EPB41L2: variants seen among roughly 807,000 people sequenced by gnomAD.
EPB41L2 encodes the protein band 4.1-like protein 2.
In EPB41L2, 43 loss-of-function variants were observed where a neutral mutation model predicts 113.0. That is an observed-to-expected ratio of 0.38 (90% confidence interval 0.30 to 0.49). The LOEUF is 0.49. EPB41L2 is among the 20% of genes least tolerant of loss of function. The pLI is 0.95. For missense variants in EPB41L2, 1,147 were observed against 1,223.4 expected (o/e 0.94, Z 0.93); for synonymous variants, 442 against 436.7 (o/e 1.01, Z -0.15).
intron 4 of EPB41L2, among the ~76,000 whole-genome samples, chr6:130,909,190 C>A (rs1161875509): frequency 6.6e-6 from 1 of 152,188 alleles, no homozygotes; most frequent in Non-Finnish European, 1.5e-5. Flanking sequence ...CAACAAATAG[C>A]CCCTGCAGAC....
chr6:130,895,356 A>G (rs990396092), intron 8 of EPB41L2, among the ~76,000 whole-genome samples: 8 of 152,222 alleles, frequency 5.3e-5, no homozygotes, highest in African/African-American at 1.7e-4. Context: ...CATGACCATA[A>G]GACACAGTGT....
Position 130,876,877 on chromosome 6 carries a change from A to G in EPB41L2, c.2043+1227T>C, listed in dbSNP as rs1787739388. On this transcript the variant is annotated intron_variant, in intron 14 of 19. Transcript: ENST00000337057. ...CTGACCCAGTGTGGGTCAATGACACACACCAGGAGAAGTGGCACATAATGG... is the reference window on the plus strand; with the variant it reads ...CTGACCCAGTGTGGGTCAATGACACGCACCAGGAGAAGTGGCACATAATGG... 8.0e-6 allele frequency: 4 copies of G among 500,038 alleles called. No homozygotes were observed. In the South Asian group the frequency reaches 1.1e-4, roughly 13 times the overall value. 31.0% of individuals were successfully genotyped at this position (500,038 alleles called of 1,614,324 possible).
chr6:131,051,468 A>AAC (rs1351562357), intron 1 of EPB41L2, among the ~76,000 whole-genome samples: 21 of 137,068 alleles, frequency 1.5e-4, no homozygotes, highest in African/African-American at 5.7e-4. Context: ...AAAAAAAAAC[A>AAC]CACACACACA....
intron 3 of EPB41L2, among the ~76,000 whole-genome samples, chr6:130,948,657 C>T (rs1040220599): frequency 6.6e-6 from 1 of 151,960 alleles, no homozygotes; most frequent in Non-Finnish European, 1.5e-5. Context: ...AAAAAGTCAT[C>T]TCAAAGACAT....
chr6:130,861,223 C>A (rs1781914676), intron 18 of EPB41L2, among the ~76,000 whole-genome samples: 1 of 152,150 alleles, frequency 6.6e-6, no homozygotes, highest in African/African-American at 2.4e-5. Flanking sequence ...CAGGTGCCCG[C>A]CACTACACCC....
chr6:131,051,410 G>A (rs1412973222), intron 1 of EPB41L2, among the ~76,000 whole-genome samples: 1 of 123,802 alleles, frequency 8.1e-6, no homozygotes, highest in Non-Finnish European at 1.7e-5. Flanking sequence ...AAAATGAAGT[G>A]AGAAAAGTTT....
chr6:130,903,791 T>C (rs532379193), intron 6 of EPB41L2, among the ~76,000 whole-genome samples: 22 of 152,328 alleles, frequency 1.4e-4, no homozygotes, highest in Admixed American at 1.1e-3. Context: ...ATTCACAATG[T>C]TTCTGGTACC....
At chr6:130,952,101 A>G (rs542354068) in intron 3 of EPB41L2, among the ~76,000 whole-genome samples, 1 of 152,338 alleles carries the variant, frequency 6.6e-6, no homozygotes, top group East Asian at 1.9e-4. Flanking sequence ...CTGAGAAGGT[A>G]TTTCACATAC....
At position 130,878,173 on chromosome 6, in the gene EPB41L2, G is replaced by T; in HGVS notation, c.1974C>A (p.Ser658=). The T allele has an allele frequency of 2.5e-6, 4 of 1,613,524 alleles. No individual in the cohort carries two copies. The highest frequency in any genetic ancestry group is 3.4e-6 in the Non-Finnish European group (4 of 1,179,838). The change falls in exon 14 of 20, where the codon TCC becomes TCA. Residue 658 remains serine (S), a synonymous_variant. Transcript: ENST00000337057. ...ATTCATTAGGGCGCGGCTCAGGTGTGGATTCCATAAAATTGCGCTTGAGTT... is the reference window on the plus strand; with the variant it reads ...ATTCATTAGGGCGCGGCTCAGGTGTTGATTCCATAAAATTGCGCTTGAGTT... ...ISELKRNFME[S]TPEPRPNEWE...
At chr6:130,846,690 C>T (rs150682082) in intron 19 of EPB41L2, among the ~76,000 whole-genome samples, 2 of 152,278 alleles carry the variant, frequency 1.3e-5, no homozygotes, top group African/African-American at 2.4e-5. Flanking sequence ...GGCCCAAGTC[C>T]CATCTTCAGG....
At chr6:130,972,353 A>G (rs1727083861) in intron 1 of EPB41L2, among the ~76,000 whole-genome samples, 1 of 149,216 alleles carries the variant, frequency 6.7e-6, no homozygotes, top group Non-Finnish European at 1.5e-5. Flanking sequence ...AAAAGGAGAA[A>G]TGACTAAAAA....
At chr6:131,040,161 G>C (rs1219596028) in intron 1 of EPB41L2, among the ~76,000 whole-genome samples, 2 of 152,192 alleles carry the variant, frequency 1.3e-5, no homozygotes, top group African/African-American at 4.8e-5. Context: ...ATGGTGGCCG[G>C]GTGCAGTGGC....
At chr6:130,860,780 C>T (rs998142700) in intron 18 of EPB41L2, among the ~76,000 whole-genome samples, 2 of 151,864 alleles carry the variant, frequency 1.3e-5, no homozygotes, top group African/African-American at 2.4e-5. Flanking sequence ...ATGATCTGCC[C>T]GCCTCGGCCT....
At chr6:130,891,604 C>T (rs1792907212) in intron 10 of EPB41L2, among the ~76,000 whole-genome samples, 1 of 152,208 alleles carries the variant, frequency 6.6e-6, no homozygotes, top group East Asian at 1.9e-4. Flanking sequence ...GTACATGCCA[C>T]CATGCCCAGC....
intron 18 of EPB41L2, among the ~76,000 whole-genome samples, chr6:130,860,516 C>T (rs1272871746): frequency 1.3e-5 from 2 of 151,850 alleles, no homozygotes; most frequent in East Asian, 1.9e-4. Context: ...CATCTTACTG[C>T]CAAATTTTAT....
intron 1 of EPB41L2, among the ~76,000 whole-genome samples, chr6:130,995,668 T>C (rs902261159): frequency 1.2e-4 from 18 of 152,198 alleles, no homozygotes; most frequent in African/African-American, 3.9e-4. Flanking sequence ...GGGTTCATAG[T>C]ACATAGTATA....
intron 19 of EPB41L2, among the ~76,000 whole-genome samples, chr6:130,844,049 T>A (rs940004359): frequency 6.6e-6 from 1 of 152,206 alleles, no homozygotes; most frequent in African/African-American, 2.4e-5. Context: ...CTCAGTAAAC[T>A]GATTTCAAAA....
chr6:130,914,927 T>C (rs1583401642), intron 4 of EPB41L2, among the ~76,000 whole-genome samples: 1 of 152,264 alleles, frequency 6.6e-6, no homozygotes, highest in East Asian at 1.9e-4. Flanking sequence ...AAGAGACTAA[T>C]AATAAAAGTT....
At chr6:130,976,866 G>A (rs998200573) in intron 1 of EPB41L2, among the ~76,000 whole-genome samples, 2 of 152,132 alleles carry the variant, frequency 1.3e-5, no homozygotes, top group Non-Finnish European at 2.9e-5. Context: ...CACTGGTCTA[G>A]GCCCTAAAGA....
Sources: gnomAD v4.1 joint callset for allele counts (sites outside exome capture counted in the v4.1 genomes callset) on GRCh38, gnomAD v4.1.1 for gene constraint, MANE v1.5 for transcripts, NCBI Gene and HGNC (gene_info 2026-07-23, HGNC 2026-07-21) for gene names.